The following EFL1 variants were observed in gnomAD, a reference collection of about 807,000 sequenced individuals.
EFL1 encodes the protein elongation factor like GTPase 1, also known as elongation factor-like GTPase 1.
A neutral mutation model predicts 126.7 loss-of-function variants in EFL1; 76 were observed. The observed-to-expected ratio is 0.60, with a 90% CI of 0.50 to 0.73. The LOEUF (loss-of-function observed/expected upper bound fraction) is 0.73. Ranked by LOEUF, EFL1 falls within the 30% of genes least tolerant of loss-of-function variation. EFL1 has a pLI of 0.00. For missense variants in EFL1, 1,128 were observed against 1,343.2 expected, an observed-to-expected ratio of 0.84 and a Z score of 2.50; for synonymous variants, 410 against 448.4, an observed-to-expected ratio of 0.91 and a Z score of 1.08.
intron 15 of EFL1, among the ~76,000 whole-genome samples, chr15:82,200,879 T>C (rs925203859): frequency 2.6e-5 from 4 of 151,812 alleles, no homozygotes; most frequent in Admixed American, 6.6e-5. Flanking sequence ...ATCTCCCTTA[T>C]GTACTTGAGA....
intron 4 of EFL1, among the ~76,000 whole-genome samples, chr15:82,251,211 C>T (rs1448302262): frequency 6.6e-6 from 1 of 151,876 alleles, no homozygotes; most frequent in Non-Finnish European, 1.5e-5. Flanking sequence ...GACTCCGTCT[C>T]AAAAAATAAA....
chr15:82,132,375 A>G (rs1224418928), intron 19 of EFL1, among the ~76,000 whole-genome samples: 1 of 152,202 alleles, frequency 6.6e-6, no homozygotes, highest in Non-Finnish European at 1.5e-5. Flanking sequence ...GTGTGAGCCT[A>G]CACGTCTTTA....
At chr15:82,138,891 A>G (rs901636315) in intron 18 of EFL1, 49 bp from the exon 19 acceptor site, 2 of 1,548,938 alleles carry the variant, frequency 1.3e-6, no homozygotes, top group African/African-American at 1.4e-5. Flanking sequence ...ATATGGCTTG[A>G]GCCACACCAA....
At chr15:82,232,066 C>T (rs1271548623) in intron 7 of EFL1, among the ~76,000 whole-genome samples, 1 of 152,172 alleles carries the variant, frequency 6.6e-6, no homozygotes, top group African/African-American at 2.4e-5. Context: ...CTGCAACCTG[C>T]CATGCAGATT....
chr15:82,238,056 T>C (rs1320934270), intron 7 of EFL1, among the ~76,000 whole-genome samples: 2 of 152,088 alleles, frequency 1.3e-5, no homozygotes, highest in Non-Finnish European at 2.9e-5. Flanking sequence ...TGAAGGAGCC[T>C]TGTGGTGATA....
At chr15:82,232,000 G>C (rs547509340) in intron 7 of EFL1, among the ~76,000 whole-genome samples, 1 of 152,298 alleles carries the variant, frequency 6.6e-6, no homozygotes, top group South Asian at 2.1e-4. Flanking sequence ...TGTTAAGTCA[G>C]GATACCCTTA....
chr15:82,255,138 T>C (rs2075056198), intron 3 of EFL1, among the ~76,000 whole-genome samples: 1 of 152,234 alleles, frequency 6.6e-6, no homozygotes, highest in Non-Finnish European at 1.5e-5. Flanking sequence ...AGTGGAATAG[T>C]GCGTTTCTTG....
intron 2 of EFL1, 77 bp from the exon 3 acceptor site, chr15:82,259,232 T>C: frequency 7.6e-7 from 1 of 1,308,022 alleles, no homozygotes; most frequent in Admixed American, 1.9e-5. Context: ...AGATTTAAAA[T>C]CTGGTCATAA....
At chr15:82,159,473 T>G (rs1439994544) in intron 16 of EFL1, among the ~76,000 whole-genome samples, 1 of 135,550 alleles carries the variant, frequency 7.4e-6, no homozygotes, top group Admixed American at 7.3e-5. Context: ...ATAAGAAAAG[T>G]TTTTTTTTTT....
chr15:82,193,446 T>C (rs2074379425), intron 15 of EFL1, among the ~76,000 whole-genome samples: 2 of 152,174 alleles, frequency 1.3e-5, no homozygotes, highest in Non-Finnish European at 2.9e-5. Context: ...ACCCCTATAC[T>C]TTGAACACAA....
chr15:82,257,149 G>C (rs1462518828), intron 3 of EFL1, among the ~76,000 whole-genome samples: 1 of 152,140 alleles, frequency 6.6e-6, no homozygotes, highest in Non-Finnish European at 1.5e-5. Flanking sequence ...AATGACTATA[G>C]AATAATTCAA....
At position 82,209,316 on chromosome 15, in the gene EFL1, GACACACACACACAC is replaced by G. The variant is rs57128885; in HGVS notation, c.1750+5387_1750+5400del. ...GACTAAGGATTCACACACAGACACAGACACACACACACACACACACACACACACACACACACAGA... is the reference window on the plus strand; with the variant it reads ...GACTAAGGATTCACACACAGACACAGACACACACACACACACACACACAGA... On this transcript the variant is annotated intron_variant, in intron 15 of 19. Transcript: ENST00000268206. Among the ~76,000 whole-genome samples, 62 of 146,276 alleles carry G rather than the reference GACACACACACACAC, an allele frequency of 4.2e-4. 1 individual carries two copies. The highest frequency in any genetic ancestry group is 1.3e-3 in the African/African-American group (50 of 39,342).
intron 16 of EFL1, among the ~76,000 whole-genome samples, chr15:82,159,452 A>T (rs1224594189): frequency 6.6e-6 from 1 of 152,074 alleles, no homozygotes; most frequent in Non-Finnish European, 1.5e-5. Context: ...AATAAAGGTA[A>T]CAGTTTAACA....
At chr15:82,210,361 G>A (rs887570574) in intron 15 of EFL1, among the ~76,000 whole-genome samples, 7 of 152,128 alleles carry the variant, frequency 4.6e-5, no homozygotes, top group African/African-American at 1.7e-4. Context: ...CATAAAAGGT[G>A]ATATACCTTC....
rs756648909 is a variant in EFL1, at chr15:82,220,105, T to A, written c.1417A>T (p.Thr473Ser). ...CTTGGCTCCTCTCCTTTTGGACATG[T>A]TTCAATGGCACTCCCATCTTGGGTG... ...EPTQDGSAIETCPKGEEPRGD... is the reference protein window; with the variant it reads ...EPTQDGSAIESCPKGEEPRGD... Residue 473 changes from threonine (T) to serine (S), a missense_variant, in exon 13 of 20, where the codon ACA becomes TCA. Around this residue, in one of 6 missense-constraint regions of EFL1, gnomAD observed 120 missense variants for 142.1 expected, o/e 0.84. Transcript: ENST00000268206. 3.7e-6 allele frequency: 6 copies of A among 1,612,028 alleles called. No individual in the cohort carries two copies. The highest frequency in any genetic ancestry group is 5.1e-6 in the Non-Finnish European group (6 of 1,179,366).
intron 15 of EFL1, among the ~76,000 whole-genome samples, chr15:82,208,650 G>A (rs931913747): frequency 6.6e-6 from 1 of 151,978 alleles, no homozygotes; most frequent in East Asian, 1.9e-4. Flanking sequence ...TTTTTTTAAC[G>A]CAGGAATTCA....
intron 3 of EFL1, among the ~76,000 whole-genome samples, chr15:82,257,131 A>G (rs746369715): frequency 4.5e-4 from 68 of 152,314 alleles, no homozygotes; most frequent in Admixed American, 9.1e-4. Context: ...AGCCAATTCA[A>G]TTTCTTAAAT....
At chr15:82,180,363 A>AC (rs200858655) in intron 15 of EFL1, among the ~76,000 whole-genome samples, 56 of 107,864 alleles carry the variant, frequency 5.2e-4, no homozygotes, top group African/African-American at 5.1e-4. Flanking sequence ...AACTGGCAAA[A>AC]AAAAAAAAAC....
At chr15:82,262,560 C>A in intron 1 of EFL1, 54 bp downstream of exon 1, 1 of 254,136 alleles carries the variant, frequency 3.9e-6, no homozygotes, top group Non-Finnish European at 7.5e-6. Context: ...TCCTCCGGCA[C>A]CGCCCAAAGG....
Sources: allele counts gnomAD v4.1 joint callset (sites outside exome capture counted in the v4.1 genomes callset), GRCh38; gene constraint gnomAD v4.1.1; regional missense constraint gnomAD v4.1.1; transcripts MANE v1.5; gene names NCBI Gene and HGNC (gene_info 2026-07-23, HGNC 2026-07-21).